The following TBL1XR1 variants were observed in gnomAD, a reference collection of about 807,000 sequenced individuals.
TBL1XR1 encodes F-box-like/WD repeat-containing protein TBL1XR1.
TBL1XR1 carries 5 observed loss-of-function variants against 66.9 expected under a neutral mutation model. The observed-to-expected ratio is 0.07, with a 90% confidence interval of 0.04 to 0.16. The LOEUF (loss-of-function observed/expected upper bound fraction) is 0.16, where lower values mean the gene tolerates loss of function less well. Ranked by LOEUF, TBL1XR1 falls within the 10% of genes least tolerant of loss-of-function variation. TBL1XR1 has a pLI of 1.00. For synonymous variants in TBL1XR1, 210 were observed against 206.0 expected, an observed-to-expected ratio of 1.02 and a Z score of -0.17; for missense variants, 238 against 623.2, an observed-to-expected ratio of 0.38 and a Z score of 6.58.
intron 1 of TBL1XR1, among the ~76,000 whole-genome samples, chr3:177,107,557 T>C (rs1725030106): frequency 6.6e-6 from 1 of 152,190 alleles, no homozygotes; most frequent in Non-Finnish European, 1.5e-5. Context: ...CATCCGGTGT[T>C]GGTTTGCCAA....
At chr3:177,026,156 T>C in intron 15 of TBL1XR1, 1 of 524,454 alleles carries the variant, frequency 1.9e-6, no homozygotes, top group East Asian at 3.4e-5. Flanking sequence ...ACTGTCCATT[T>C]CTAGATTATA....
chr3:177,055,001 AG>A, intron 3 of TBL1XR1, among the ~76,000 whole-genome samples: 1 of 152,350 alleles, frequency 6.6e-6, no homozygotes, highest in Admixed American at 6.5e-5. Context: ...ATCATTAAGT[AG>A]TAATTTCTAT....
chr3:177,125,474 A>C (rs1479033183), intron 1 of TBL1XR1, among the ~76,000 whole-genome samples: 2 of 152,204 alleles, frequency 1.3e-5, no homozygotes, highest in Non-Finnish European at 2.9e-5. Context: ...GTCCTTTGGA[A>C]AACAGTCTGG....
At position 177,079,236 on chromosome 3, in the gene TBL1XR1, C is replaced by T. The variant is rs1721091246; in HGVS notation, c.-45-14214G>A. On this transcript the variant is annotated intron_variant, in intron 2 of 15. Coordinates refer to ENST00000457928, the MANE Select transcript of TBL1XR1 (RefSeq NM_024665.7). ...CCCGAGGTCAGGAGATCAAGACCATCCTGGCTAACACGGTGAAACCCCGTC... is the reference window on the plus strand; with the variant it reads ...CCCGAGGTCAGGAGATCAAGACCATTCTGGCTAACACGGTGAAACCCCGTC... Among the ~76,000 whole-genome samples, 6 of 151,790 alleles carry T rather than the reference C, an allele frequency of 4.0e-5. No homozygotes were observed. The South Asian group carries it at 1.3e-3, about 32-fold the overall frequency.
intron 2 of TBL1XR1, among the ~76,000 whole-genome samples, chr3:177,069,764 GAAA>G (rs1719648405): frequency 8.8e-6 from 1 of 113,680 alleles, no homozygotes; most frequent in Non-Finnish European, 1.8e-5. Context: ...GGAAAGGAAA[GAAA>G]GGAAGGAAAG....
At chr3:177,182,606 G>A (rs2108974507) in intron 1 of TBL1XR1, among the ~76,000 whole-genome samples, 1 of 152,228 alleles carries the variant, frequency 6.6e-6, no homozygotes, top group South Asian at 2.1e-4. Context: ...CAGATGCTGA[G>A]GGTCAAGATG....
chr3:177,135,168 A>C (rs1728782410), intron 1 of TBL1XR1, among the ~76,000 whole-genome samples: 1 of 149,630 alleles, frequency 6.7e-6, no homozygotes, highest in Admixed American at 6.7e-5. Flanking sequence ...CGTCCGACTA[A>C]TTTTTGTATT....
chr3:177,192,668 T>C (rs1736311330), intron 1 of TBL1XR1, among the ~76,000 whole-genome samples: 1 of 152,190 alleles, frequency 6.6e-6, no homozygotes, highest in South Asian at 2.1e-4. Context: ...ATTATGCCCC[T>C]ACTAAAATAA....
At position 177,034,191 on chromosome 3, in the gene TBL1XR1, G is replaced by A. The variant is rs1451573835; in HGVS notation, c.1250+7C>T. ...TCATAAAAGGAAAAATGAAACAGAAGTATCACCTTGCTAACATAAGGTTGG... is the reference window on the plus strand; with the variant it reads ...TCATAAAAGGAAAAATGAAACAGAAATATCACCTTGCTAACATAAGGTTGG... On this transcript the variant is annotated splice_region_variant and intron_variant, in intron 13 of 15. Coordinates refer to ENST00000457928, the MANE Select transcript of TBL1XR1 (RefSeq NM_024665.7). 7.5e-6 allele frequency: 12 copies of A among 1,601,434 alleles called. No individual in the cohort carries two copies. The African/African-American group carries it at 1.1e-4, about 14-fold the overall frequency.
At chr3:177,146,720 CTCAGATTTTATCACTGGCAACAAATACCG>C (rs1445466125) in intron 1 of TBL1XR1, among the ~76,000 whole-genome samples, 2 of 151,790 alleles carry the variant, frequency 1.3e-5, no homozygotes, top group African/African-American at 2.4e-5. Context: ...CACGTGAAAT[CTCAGATTTTATCACTGGCAACAAATACCG>C]TCCGTTGTTT....
intron 1 of TBL1XR1, among the ~76,000 whole-genome samples, chr3:177,124,912 A>AT (rs1727425589): frequency 6.6e-6 from 1 of 152,162 alleles, no homozygotes; most frequent in South Asian, 2.1e-4. Context: ...ACTTCACACC[A>AT]TATAAAAAAT....
At chr3:177,047,690 G>A in intron 7 of TBL1XR1, 141 bp from the exon 8 acceptor site, 1 of 869,948 alleles carries the variant, frequency 1.1e-6, no homozygotes, top group Non-Finnish European at 1.8e-6. Flanking sequence ...TTGCCTACTT[G>A]TGAGTGCCAC....
intron 2 of TBL1XR1, among the ~76,000 whole-genome samples, chr3:177,089,883 C>T (rs1484574549): frequency 1.3e-5 from 2 of 152,106 alleles, no homozygotes; most frequent in Non-Finnish European, 2.9e-5. Flanking sequence ...TGAAAAGATG[C>T]AAATTAGAAC....
At chr3:177,102,154 G>T (rs1213074970) in intron 1 of TBL1XR1, among the ~76,000 whole-genome samples, 12 of 152,088 alleles carry the variant, frequency 7.9e-5, no homozygotes, top group Admixed American at 6.5e-4. Flanking sequence ...TCTAATCTCA[G>T]TTTTCACTAA....
chr3:177,069,155 T>G (rs1577070834), intron 2 of TBL1XR1, among the ~76,000 whole-genome samples: 2 of 152,150 alleles, frequency 1.3e-5, no homozygotes, highest in East Asian at 3.9e-4. Context: ...CTTCTAAACT[T>G]CAAAGACGTG....
In TBL1XR1 at chr3:177,069,793, A is replaced by AAAGGAAGGGAAGG. The variant is rs1693635433; in HGVS notation, c.-45-4772_-45-4771insCCTTCCCTTCCTT. 6.3e-4 allele frequency among the ~76,000 whole-genome samples: 58 copies of AAAGGAAGGGAAGG among 92,342 alleles called. 1 individual carries two copies. The highest frequency in any genetic ancestry group is 1.0e-3 in the Admixed American group (9 of 8,670). 60.6% of individuals were successfully genotyped at this position (92,342 alleles called of 152,430 possible). A position where few individuals can be genotyped will look rare whatever the true frequency, so the allele number is the denominator to read the frequency against. ...GGAAGGAAAGGAAGGAAAAGGAAGG[A>AAAGGAAGGGAAGG]AAGGAAGGAAGGAAGGAAGGAAGGA... is the stretch of plus-strand genomic sequence containing the variant. On this transcript the variant is annotated intron_variant, in intron 2 of 15. Coordinates refer to ENST00000457928, the MANE Select transcript of TBL1XR1 (RefSeq NM_024665.7).
At chr3:177,188,285 C>T (rs1735691147) in intron 1 of TBL1XR1, among the ~76,000 whole-genome samples, 1 of 152,128 alleles carries the variant, frequency 6.6e-6, no homozygotes, top group South Asian at 2.1e-4. Context: ...GTGGCTCACA[C>T]CTGTAATCCC....
At chr3:177,087,160 G>T (rs1243870018) in intron 2 of TBL1XR1, 1 of 149,510 alleles carries the variant, frequency 6.7e-6, no homozygotes, top group African/African-American at 2.5e-5. Context: ...GTCCACACCT[G>T]TGTTGTTCAA....
chr3:177,081,086 G>A (rs1721333757), intron 2 of TBL1XR1, among the ~76,000 whole-genome samples: 2 of 152,262 alleles, frequency 1.3e-5, no homozygotes, highest in East Asian at 3.9e-4. Flanking sequence ...TACCTAAAGT[G>A]ATTATAAAAT....
Sources: allele counts gnomAD v4.1 joint callset (sites outside exome capture counted in the v4.1 genomes callset), GRCh38; gene constraint gnomAD v4.1.1; transcripts MANE v1.5; gene names NCBI Gene and HGNC (gene_info 2026-07-23, HGNC 2026-07-21).